The following CNTNAP2 variants were observed in gnomAD, a reference collection of about 807,000 sequenced individuals.
CNTNAP2 encodes the protein contactin associated protein 2, also known as contactin-associated protein-like 2.
A neutral mutation model predicts 155.2 loss-of-function variants in CNTNAP2; 98 were observed. The observed-to-expected ratio is 0.63, with a 90% confidence interval of 0.54 to 0.75. The LOEUF is 0.75. Ranked by LOEUF, CNTNAP2 falls within the 30% of genes least tolerant of loss-of-function variation. The probability of loss-of-function intolerance (pLI) is 0.00; values close to 1 mark genes in which losing one functional copy is unlikely to be tolerated. For synonymous variants in CNTNAP2, 651 were observed against 631.2 expected (o/e 1.03, Z -0.47); for missense variants, 1,727 against 1,688.1 (o/e 1.02, Z -0.40).
intron 1 of CNTNAP2, among the ~76,000 whole-genome samples, chr7:146,375,395 C>A (rs1424905040): frequency 6.6e-6 from 1 of 152,198 alleles, no homozygotes; most frequent in Non-Finnish European, 1.5e-5. Context: ...CTTCTTCCAG[C>A]TAAAACCACA....
intron 8 of CNTNAP2, among the ~76,000 whole-genome samples, chr7:147,291,453 T>C (rs1805310347): frequency 6.6e-6 from 1 of 152,208 alleles, no homozygotes; most frequent in Admixed American, 6.5e-5. Flanking sequence ...ACACAATATT[T>C]TAAAAATTCA....
At chr7:147,631,268 C>T (rs1212597897) in intron 12 of CNTNAP2, among the ~76,000 whole-genome samples, 2 of 151,968 alleles carry the variant, frequency 1.3e-5, no homozygotes, top group Non-Finnish European at 2.9e-5. Context: ...TAGGACTATA[C>T]CTAACCAAGG....
intron 21 of CNTNAP2, among the ~76,000 whole-genome samples, chr7:148,312,208 C>G (rs1024974103): frequency 2.0e-5 from 3 of 152,066 alleles, no homozygotes; most frequent in Non-Finnish European, 4.4e-5. Context: ...GGGTGCTGTC[C>G]CGGCTCTTGT....
chr7:146,831,215 A>G (rs952315089), intron 2 of CNTNAP2, among the ~76,000 whole-genome samples: 25 of 152,158 alleles, frequency 1.6e-4, no homozygotes, highest in Admixed American at 1.1e-3. Flanking sequence ...TATTTTTCCC[A>G]GATGTACCAA....
At chr7:147,969,833 T>C (rs13228704) in intron 14 of CNTNAP2, among the ~76,000 whole-genome samples, 20,381 of 152,138 alleles carry the variant, frequency 0.13, 2,223 homozygotes, top group African/African-American at 0.31. Flanking sequence ...AACCATGAAG[T>C]AGCATCTTAT....
At chr7:147,028,106 C>A (rs900374753) in intron 3 of CNTNAP2, among the ~76,000 whole-genome samples, 1 of 152,088 alleles carries the variant, frequency 6.6e-6, no homozygotes, top group Admixed American at 6.5e-5. Flanking sequence ...GTCAGCCGTT[C>A]TTGTCCAAGA....
chr7:147,092,278 A>G (rs1800424096), intron 4 of CNTNAP2, among the ~76,000 whole-genome samples: 1 of 152,194 alleles, frequency 6.6e-6, no homozygotes, highest in Non-Finnish European at 1.5e-5. Context: ...TTTGTGATAT[A>G]TCTGTCCTTA....
chr7:147,330,815 G>A (rs546319539), intron 9 of CNTNAP2, among the ~76,000 whole-genome samples: 42 of 152,126 alleles, frequency 2.8e-4, no homozygotes, highest in African/African-American at 9.6e-4. Context: ...TAGAGGGATC[G>A]TTATTTTCCC....
intron 5 of CNTNAP2, among the ~76,000 whole-genome samples, chr7:147,110,227 G>A (rs1453505970): frequency 2.0e-5 from 3 of 152,096 alleles, no homozygotes; most frequent in Non-Finnish European, 4.4e-5. Flanking sequence ...CCCTGTTGTT[G>A]TTTTTAAATG....
intron 1 of CNTNAP2, among the ~76,000 whole-genome samples, chr7:146,723,538 G>GAT (rs904726446): frequency 4.6e-5 from 7 of 152,128 alleles, no homozygotes; most frequent in Admixed American, 2.0e-4. Flanking sequence ...TCAGAATGAT[G>GAT]ATATATATAG....
In CNTNAP2 at chr7:146,678,608, A is replaced by T. The variant is rs181067514; in HGVS notation, c.98-95663A>T. Among the ~76,000 whole-genome samples, 285 of 152,290 alleles carry T rather than the reference A, an allele frequency of 1.9e-3. 2 individuals carry two copies. Among genetic ancestry groups the T allele is most frequent in the East Asian group, 7.9e-3 (41 of 5,180 alleles). ...ATTAGGTTTCACTAGAATAATTTAT[A>T]TTAGTAAGTCACAAATTAATGCTTA... is the stretch of plus-strand genomic sequence containing the variant. On this transcript the variant is annotated intron_variant, in intron 1 of 23. Transcript: ENST00000361727.
At chr7:146,126,986 T>C (rs781362360) in intron 1 of CNTNAP2, among the ~76,000 whole-genome samples, 3 of 152,140 alleles carry the variant, frequency 2.0e-5, no homozygotes, top group Non-Finnish European at 4.4e-5. Flanking sequence ...TTATCATCTA[T>C]ATCTATGCCA....
intron 13 of CNTNAP2, among the ~76,000 whole-genome samples, chr7:147,781,903 G>A (rs1019281007): frequency 6.6e-6 from 1 of 151,874 alleles, no homozygotes; most frequent in Non-Finnish European, 1.5e-5. Context: ...GGCGCCTGTA[G>A]TCCCAGCTAC....
intron 21 of CNTNAP2, among the ~76,000 whole-genome samples, chr7:148,269,178 G>A (rs770085944): frequency 6.6e-6 from 1 of 152,116 alleles, no homozygotes; most frequent in South Asian, 2.1e-4. Context: ...AGTGGGGAGT[G>A]GCAAGTGATA....
intron 1 of CNTNAP2, among the ~76,000 whole-genome samples, chr7:146,769,984 T>C (rs1802263976): frequency 1.3e-5 from 2 of 152,150 alleles, no homozygotes; most frequent in African/African-American, 4.8e-5. Context: ...CTTCCTCATA[T>C]TACTTGTGTA....
intron 1 of CNTNAP2, among the ~76,000 whole-genome samples, chr7:146,363,259 A>G (rs941949763): frequency 3.9e-5 from 6 of 152,220 alleles, no homozygotes; most frequent in African/African-American, 1.4e-4. Flanking sequence ...TTGCTGAACC[A>G]GGATTCAAGG....
intron 13 of CNTNAP2, among the ~76,000 whole-genome samples, chr7:147,699,701 T>C (rs1284915962): frequency 1.3e-5 from 2 of 152,162 alleles, no homozygotes; most frequent in African/African-American, 4.8e-5. Flanking sequence ...TCACAAAATA[T>C]AACATTAACC....
At chr7:146,966,048 C>T (rs922005361) in intron 3 of CNTNAP2, among the ~76,000 whole-genome samples, 1 of 152,204 alleles carries the variant, frequency 6.6e-6, no homozygotes, top group Non-Finnish European at 1.5e-5. Context: ...ACCACAATTT[C>T]TGCTCCCCAT....
In CNTNAP2 at chr7:147,652,506, T is replaced by A. The variant is rs971762935; in HGVS notation, c.2098+13200T>A. Among the ~76,000 whole-genome samples, 5 of 152,290 alleles carry A rather than the reference T, an allele frequency of 3.3e-5. No homozygotes were observed. In the East Asian group the frequency reaches 9.6e-4, roughly 29 times the overall value. On this transcript the variant is annotated intron_variant, in intron 13 of 23. Transcript: ENST00000361727. Reference sequence around the variant, plus strand: ...ATTTATTAAAGGTTCACCTGGGCATTTTATATATATTGGCTCATTCCGCCC... The same window carrying A: ...ATTTATTAAAGGTTCACCTGGGCATATTATATATATTGGCTCATTCCGCCC...
Sources: gnomAD v4.1 joint callset for allele counts (sites outside exome capture counted in the v4.1 genomes callset) on GRCh38, gnomAD v4.1.1 for gene constraint, MANE v1.5 for transcripts, NCBI Gene and HGNC (gene_info 2026-07-23, HGNC 2026-07-21) for gene names.